PLCL2: variants seen among roughly 807,000 people sequenced by gnomAD.
PLCL2 encodes the protein phospholipase C like 2.
Under a neutral mutation model 79.6 loss-of-function variants are expected in PLCL2, and 4 were observed. That is an observed-to-expected ratio of 0.05 (90% CI 0.02 to 0.11). PLCL2 has a LOEUF of 0.11. Among genes scored for constraint, PLCL2 ranks in the 10% least tolerant of loss-of-function variants. The pLI is 1.00. For synonymous variants in PLCL2, 484 were observed against 457.7 expected, an observed-to-expected ratio of 1.06 and a Z score of -0.73; for missense variants, 895 against 1,291.0, an observed-to-expected ratio of 0.69 and a Z score of 4.70.
chr3:16,956,703 C>G lies in PLCL2; in HGVS notation c.328-52971C>G, dbSNP rs569343017. 3.3e-5 allele frequency among the ~76,000 whole-genome samples: 5 copies of G among 152,248 alleles called. No individual in the cohort carries two copies. The East Asian group carries it at 9.7e-4, about 29-fold the overall frequency. On this transcript the variant is annotated intron_variant, in intron 1 of 5. Coordinates refer to ENST00000615277, the MANE Select transcript of PLCL2 (RefSeq NM_001144382.2). ...AAGCTATTGATTATTGCCGCAATTT[C>G]AGAGCCTGTTATTGGTCTGTTCAGA...
chr3:17,003,370 T>G (rs563399675), intron 1 of PLCL2, among the ~76,000 whole-genome samples: 5 of 152,312 alleles, frequency 3.3e-5, no homozygotes, highest in African/African-American at 1.2e-4. Context: ...ATTTCTCCAC[T>G]GGTGGGCTAC....
chr3:17,055,958 G>A (rs144688004), intron 4 of PLCL2, among the ~76,000 whole-genome samples: 2 of 152,258 alleles, frequency 1.3e-5, no homozygotes, highest in African/African-American at 4.8e-5. Context: ...CAAATGAAGG[G>A]GAGGGAAGTT....
intron 1 of PLCL2, among the ~76,000 whole-genome samples, chr3:17,007,497 A>G (rs186245879): frequency 3.5e-4 from 54 of 152,202 alleles, no homozygotes; most frequent in Non-Finnish European, 7.4e-5. Context: ...TTTGCACTTT[A>G]TTGTTCTGAG....
intron 1 of PLCL2, among the ~76,000 whole-genome samples, chr3:16,990,603 C>T (rs2064095607): frequency 2.0e-5 from 3 of 152,136 alleles, no homozygotes; most frequent in Admixed American, 6.6e-5. Context: ...AAGTAAGACT[C>T]GAGGACTTGT....
At chr3:16,975,097 C>A (rs1241905040) in intron 1 of PLCL2, among the ~76,000 whole-genome samples, 1 of 152,132 alleles carries the variant, frequency 6.6e-6, no homozygotes, top group African/African-American at 2.4e-5. Flanking sequence ...ATGGAGAATT[C>A]CAGTCTGGGC....
At chr3:17,082,144 T>G (rs907281483) in intron 5 of PLCL2, among the ~76,000 whole-genome samples, 1 of 148,162 alleles carries the variant, frequency 6.7e-6, no homozygotes, top group Non-Finnish European at 1.5e-5. Flanking sequence ...TCAGAGTTTT[T>G]TTTTTTTTTT....
intron 5 of PLCL2, among the ~76,000 whole-genome samples, 158 bp downstream of exon 5, chr3:17,068,223 G>A (rs554049918): frequency 6.6e-6 from 1 of 152,312 alleles, no homozygotes; most frequent in East Asian, 1.9e-4. Context: ...TCTAGAGTCT[G>A]TAGGCACAAC....
At chr3:16,982,872 ATTTAC>A (rs2064014464) in intron 1 of PLCL2, among the ~76,000 whole-genome samples, 2 of 152,196 alleles carry the variant, frequency 1.3e-5, no homozygotes, top group African/African-American at 2.4e-5. Context: ...GCAAAAATAA[ATTTAC>A]TTTAATTCAT....
At chr3:16,962,301 G>T (rs889058030) in intron 1 of PLCL2, among the ~76,000 whole-genome samples, 1 of 152,052 alleles carries the variant, frequency 6.6e-6, no homozygotes, top group Non-Finnish European at 1.5e-5. Flanking sequence ...ATAACTTCTG[G>T]TCAGTACAAG....
At chr3:17,082,535 C>G (rs2124955589) in intron 5 of PLCL2, among the ~76,000 whole-genome samples, 3 of 152,260 alleles carry the variant, frequency 2.0e-5, no homozygotes, top group Middle Eastern at 6.8e-3. Flanking sequence ...CAAAGTTCAG[C>G]AGCTCCTCAA....
chr3:16,983,877 T>C (rs2064023444), intron 1 of PLCL2, among the ~76,000 whole-genome samples: 1 of 152,252 alleles, frequency 6.6e-6, no homozygotes, highest in East Asian at 1.9e-4. Context: ...ATATGCCTAA[T>C]GCTTTCATTG....
chr3:16,961,451 A>C (rs1415346774), intron 1 of PLCL2, among the ~76,000 whole-genome samples: 1 of 152,196 alleles, frequency 6.6e-6, no homozygotes, highest in African/African-American at 2.4e-5. Flanking sequence ...AAGTGGAGGG[A>C]AACTTTATCT....
chr3:16,979,794 C>A (rs1418195894), intron 1 of PLCL2, among the ~76,000 whole-genome samples: 1 of 149,366 alleles, frequency 6.7e-6, no homozygotes, highest in Non-Finnish European at 1.5e-5. Flanking sequence ...ACCTTTCCCC[C>A]CTTTCTATTC....
chr3:16,983,643 A>G (rs1268717280), intron 1 of PLCL2, among the ~76,000 whole-genome samples: 3 of 152,336 alleles, frequency 2.0e-5, no homozygotes, highest in East Asian at 3.9e-4. Flanking sequence ...GTCTCAAAAA[A>G]ACAAAAAAAG....
rs1434539312 is a variant in PLCL2, at chr3:16,979,568, G to C, written c.328-30106G>C. Among the ~76,000 whole-genome samples the C allele has an allele frequency of 1.9e-5, 2 of 107,120 alleles. 1 individual carries two copies. The highest frequency in any genetic ancestry group is 7.6e-5 in the African/African-American group (2 of 26,360). The allele number at this position is 107,120 out of a possible 152,430, so 70.3% of individuals were successfully genotyped here. A position where few individuals can be genotyped will look rare whatever the true frequency, so the allele number is the denominator to read the frequency against. On this transcript the variant is annotated intron_variant, in intron 1 of 5. Transcript: ENST00000615277. ...ACCAGCATGCTGCCTTCAAGCATCTGTCTAACAAAGCACATCTTGCACCGC... is the reference window on the plus strand; with the variant it reads ...ACCAGCATGCTGCCTTCAAGCATCTCTCTAACAAAGCACATCTTGCACCGC...
At chr3:17,079,866 ACATGGAAAGTCAGATC>A (rs2065144547) in intron 5 of PLCL2, among the ~76,000 whole-genome samples, 1 of 152,226 alleles carries the variant, frequency 6.6e-6, no homozygotes, top group Non-Finnish European at 1.5e-5. Context: ...AAAGGGAGCC[ACATGGAAAGTCAGATC>A]CATGCAGCCC....
intron 1 of PLCL2, among the ~76,000 whole-genome samples, chr3:16,889,304 C>T (rs1199760125): frequency 6.6e-6 from 1 of 152,154 alleles, no homozygotes; most frequent in African/African-American, 2.4e-5. Flanking sequence ...ATTGCTTCCC[C>T]ACATTACAGT....
intron 1 of PLCL2, among the ~76,000 whole-genome samples, chr3:16,893,625 C>T (rs775311578): frequency 6.6e-6 from 1 of 151,988 alleles, no homozygotes; most frequent in Non-Finnish European, 1.5e-5. Flanking sequence ...ACATTTAGCT[C>T]CTAGCTATGG....
chr3:17,078,679 T>A (rs564507517), intron 5 of PLCL2, among the ~76,000 whole-genome samples: 2 of 152,316 alleles, frequency 1.3e-5, no homozygotes, highest in African/African-American at 4.8e-5. Flanking sequence ...AGATGGTTTT[T>A]GCACCTGGTA....
Sources: allele counts gnomAD v4.1 joint callset (sites outside exome capture counted in the v4.1 genomes callset), GRCh38; gene constraint gnomAD v4.1.1; transcripts MANE v1.5; gene names NCBI Gene and HGNC (gene_info 2026-07-23, HGNC 2026-07-21).